Variants in TRABD2B observed in about 807,000 individuals in gnomAD.
The protein encoded by TRABD2B is metalloprotease TIKI2.
In TRABD2B, 14 loss-of-function variants were observed where a neutral mutation model predicts 40.1. The observed-to-expected ratio is 0.35, with a 90% CI of 0.23 to 0.55. The LOEUF is 0.55. TRABD2B is among the 20% of genes least tolerant of loss of function. The probability of loss-of-function intolerance (pLI) is 0.90; values close to 1 mark genes in which losing one functional copy is unlikely to be tolerated. For synonymous variants in TRABD2B, 263 were observed against 277.0 expected, an observed-to-expected ratio of 0.95 and a Z score of 0.50; for missense variants, 541 against 648.6, an observed-to-expected ratio of 0.83 and a Z score of 1.80.
intron 2 of TRABD2B, among the ~76,000 whole-genome samples, chr1:47,878,462 C>T (rs1644255393): frequency 6.6e-6 from 1 of 152,182 alleles, no homozygotes; most frequent in Admixed American, 6.5e-5. Context: ...GAAGGGCCAC[C>T]AACACAGGCA....
intron 2 of TRABD2B, among the ~76,000 whole-genome samples, chr1:47,931,474 C>T (rs1434981981): frequency 6.6e-6 from 1 of 152,208 alleles, no homozygotes; most frequent in East Asian, 1.9e-4. Context: ...TTGACTGAGA[C>T]ATCAGGCAGA....
intron 2 of TRABD2B, among the ~76,000 whole-genome samples, chr1:47,938,847 G>C (rs1326610254): frequency 6.6e-6 from 1 of 152,200 alleles, no homozygotes; most frequent in African/African-American, 2.4e-5. Context: ...AGGGATTTGA[G>C]ATAGTTTCTT....
intron 2 of TRABD2B, among the ~76,000 whole-genome samples, chr1:47,816,414 C>G (rs1179246661): frequency 6.6e-6 from 1 of 152,198 alleles, no homozygotes; most frequent in Non-Finnish European, 1.5e-5. Context: ...ACCTGTCTGT[C>G]TCTCTGGACT....
At chr1:47,967,632 T>G (rs1201313586) in intron 2 of TRABD2B, among the ~76,000 whole-genome samples, 8 of 152,208 alleles carry the variant, frequency 5.3e-5, no homozygotes, top group Non-Finnish European at 1.0e-4. Context: ...GTCAAAATGT[T>G]CTGCCTGACT....
intron 4 of TRABD2B, among the ~76,000 whole-genome samples, chr1:47,791,264 T>G (rs567169845): frequency 6.6e-6 from 1 of 152,296 alleles, no homozygotes; most frequent in African/African-American, 2.4e-5. Context: ...TTTCAGGAAC[T>G]TCAGCTGGAC....
At chr1:47,922,125 G>A (rs1029134199) in intron 2 of TRABD2B, among the ~76,000 whole-genome samples, 2 of 152,184 alleles carry the variant, frequency 1.3e-5, no homozygotes, top group African/African-American at 2.4e-5. Context: ...TTTAGCCAGC[G>A]GGATGATTAA....
chr1:47,921,324 G>A (rs1348658819), intron 2 of TRABD2B, among the ~76,000 whole-genome samples: 3 of 152,120 alleles, frequency 2.0e-5, no homozygotes, highest in Admixed American at 6.5e-5. Flanking sequence ...AGTTGCCTCC[G>A]CTGCCAGGGC....
chr1:47,970,130 T>G (rs1254516834), intron 2 of TRABD2B, among the ~76,000 whole-genome samples: 3 of 152,128 alleles, frequency 2.0e-5, no homozygotes, highest in African/African-American at 7.2e-5. Context: ...CAGAGACTCC[T>G]GTTTTCCAAG....
chr1:47,794,789 A>ATTTTTT, intron 3 of TRABD2B, 29 bp from the exon 4 acceptor site: 1 of 982,760 alleles, frequency 1.0e-6, no homozygotes, highest in Non-Finnish European at 1.3e-6. Flanking sequence ...GGCTGCCTTC[A>ATTTTTT]GTTTTTTTTT....
chr1:47,800,905 A>G (rs1377443238), intron 3 of TRABD2B, among the ~76,000 whole-genome samples: 2 of 152,174 alleles, frequency 1.3e-5, no homozygotes, highest in South Asian at 4.2e-4. Context: ...GGGCTGTGAC[A>G]AGGCCAGCAG....
At chr1:47,915,506 T>C (rs1010866526) in intron 2 of TRABD2B, among the ~76,000 whole-genome samples, 2 of 152,204 alleles carry the variant, frequency 1.3e-5, no homozygotes, top group Non-Finnish European at 2.9e-5. Flanking sequence ...TGTGAGAGTC[T>C]TTACTGACCC....
intron 2 of TRABD2B, among the ~76,000 whole-genome samples, chr1:47,983,487 TA>T (rs899160868): frequency 1.2e-4 from 18 of 149,522 alleles, no homozygotes; most frequent in African/African-American, 1.7e-4. Flanking sequence ...CCTAAAAGTT[TA>T]AAAAAAAAAT....
chr1:47,797,208 C>T (rs1644760616), intron 3 of TRABD2B, among the ~76,000 whole-genome samples: 1 of 152,212 alleles, frequency 6.6e-6, no homozygotes, highest in Admixed American at 6.5e-5. Context: ...GGGGGTAACA[C>T]ACATTATTGT....
chr1:47,848,948 C>T (rs773217737), intron 2 of TRABD2B, among the ~76,000 whole-genome samples: 31 of 152,246 alleles, frequency 2.0e-4, no homozygotes, highest in Non-Finnish European at 1.6e-4. Context: ...CAGAGGCCTT[C>T]ATCCCTGTGG....
chr1:47,931,663 C>T (rs1645041952), intron 2 of TRABD2B, among the ~76,000 whole-genome samples: 1 of 152,160 alleles, frequency 6.6e-6, no homozygotes, highest in Non-Finnish European at 1.5e-5. Context: ...CCATACCTGC[C>T]TTCTAGAGGG....
At chr1:47,864,848 G>T (rs1041379088) in intron 2 of TRABD2B, among the ~76,000 whole-genome samples, 1 of 152,130 alleles carries the variant, frequency 6.6e-6, no homozygotes, top group African/African-American at 2.4e-5. Context: ...GCGTTGGGTG[G>T]ACGATCAGGG....
intron 2 of TRABD2B, among the ~76,000 whole-genome samples, chr1:47,825,476 T>C (rs1306623146): frequency 2.0e-5 from 3 of 152,220 alleles, no homozygotes; most frequent in African/African-American, 7.2e-5. Flanking sequence ...CACACTTCTG[T>C]TAAGCTATGC....
At chr1:47,933,129 G>A (rs1288129114) in intron 2 of TRABD2B, among the ~76,000 whole-genome samples, 2 of 145,794 alleles carry the variant, frequency 1.4e-5, no homozygotes, top group African/African-American at 2.6e-5. Flanking sequence ...TTTTTGAGAC[G>A]CAGTCTCACT....
At chr1:47,846,176 A>G (rs1645466653) in intron 2 of TRABD2B, among the ~76,000 whole-genome samples, 1 of 152,254 alleles carries the variant, frequency 6.6e-6, no homozygotes, top group South Asian at 2.1e-4. Flanking sequence ...AGATGTGGTT[A>G]ATACATTCAG....
Sources: allele counts gnomAD v4.1 joint callset (sites outside exome capture counted in the v4.1 genomes callset), GRCh38; gene constraint gnomAD v4.1.1; transcripts MANE v1.5; gene names NCBI Gene and HGNC (gene_info 2026-07-23, HGNC 2026-07-21).